ZNF292: variants seen among roughly 807,000 people sequenced by gnomAD.
ZNF292 encodes the protein zinc finger protein 292.
ZNF292 carries 26 observed loss-of-function variants against 217.9 expected under a neutral mutation model. That is an observed-to-expected ratio of 0.12 (90% CI 0.09 to 0.17). The LOEUF is 0.17. Ranked by LOEUF, ZNF292 falls within the 10% of genes least tolerant of loss-of-function variation. The probability of loss-of-function intolerance (pLI) is 1.00; values close to 1 mark genes in which losing one functional copy is unlikely to be tolerated. For synonymous variants in ZNF292, 1,257 were observed against 1,124.1 expected (o/e 1.12, Z -2.37); for missense variants, 2,904 against 3,175.2 (o/e 0.91, Z 2.05).
At chr6:87,168,990 T>G (rs1056255289) in intron 1 of ZNF292, among the ~76,000 whole-genome samples, 1 of 152,096 alleles carries the variant, frequency 6.6e-6, no homozygotes, top group Non-Finnish European at 1.5e-5. Context: ...TATACGGTTT[T>G]GGTTTTTTGT....
chr6:87,236,404 T>TA (rs769342391), intron 5 of ZNF292, among the ~76,000 whole-genome samples: 1,976 of 140,430 alleles, frequency 0.014, 15 homozygotes, highest in Non-Finnish European at 0.021. Flanking sequence ...TTTTTTTTTT[T>TA]TAAAAAAGAA....
In ZNF292 at chr6:87,202,438, T is replaced by A. The variant is rs184758314; in HGVS notation, c.169-13465T>A. ...TGAATTCTCTTGAAGTTCTTACGTG[T>A]GCATTGTCTGCAATGGTGACATTTT... is the stretch of plus-strand genomic sequence containing the variant. On this transcript the variant is annotated intron_variant, in intron 1 of 7. Coordinates refer to ENST00000369577, the MANE Select transcript of ZNF292 (RefSeq NM_015021.3). 2.4e-4 allele frequency among the ~76,000 whole-genome samples: 36 copies of A among 152,366 alleles called. 1 individual carries two copies. Among genetic ancestry groups the A allele is most frequent in the Middle Eastern group, 3.4e-3 (1 of 294 alleles).
At position 87,261,966 on chromosome 6, in the gene ZNF292, C is replaced by CT. The variant is rs985508955; in HGVS notation, c.*173dup. 15 of 503,500 alleles carry CT rather than the reference C, an allele frequency of 3.0e-5. No individual in the cohort carries two copies. The highest frequency in any genetic ancestry group is 9.2e-5 in the South Asian group (2 of 21,660). 31.2% of individuals were successfully genotyped at this position (503,500 alleles called of 1,614,324 possible). On this transcript the variant is annotated 3_prime_UTR_variant, in exon 8 of 8. Coordinates refer to ENST00000369577, the MANE Select transcript of ZNF292 (RefSeq NM_015021.3). ...AAAACATGACATTTGTCATGTAAAA[C>CT]TTTTTTTTATCCCTATGGGACTTGA...
At chr6:87,169,838 G>A in intron 1 of ZNF292, 1 of 278,102 alleles carries the variant, frequency 3.6e-6, no homozygotes. Context: ...AGTGGAGACA[G>A]GGTTTTGCCA....
chr6:87,235,618 A>G (rs1219403685), intron 5 of ZNF292, among the ~76,000 whole-genome samples: 1 of 152,158 alleles, frequency 6.6e-6, no homozygotes, highest in African/African-American at 2.4e-5. Context: ...CCAGTCTTGC[A>G]ATACTGAGCC....
Position 87,240,159 on chromosome 6 carries a change from G to A in ZNF292, c.742-3316G>A, listed in dbSNP as rs561750940. ...GCGGTTAGGAGCTGGAGACCAGCCCGGCCAACACAGCGAAACCCCGTCTCC... is the reference window on the plus strand; with the variant it reads ...GCGGTTAGGAGCTGGAGACCAGCCCAGCCAACACAGCGAAACCCCGTCTCC... On this transcript the variant is annotated intron_variant, in intron 5 of 7. Coordinates refer to ENST00000369577, the MANE Select transcript of ZNF292 (RefSeq NM_015021.3). Among the ~76,000 whole-genome samples the A allele has an allele frequency of 3.7e-3, 567 of 151,650 alleles. 2 individuals carry two copies. Among genetic ancestry groups the A allele is most frequent in the African/African-American group, 0.013 (542 of 41,316 alleles).
At chr6:87,208,134 G>T (rs1388631756) in intron 1 of ZNF292, among the ~76,000 whole-genome samples, 2 of 152,058 alleles carry the variant, frequency 1.3e-5, no homozygotes, top group African/African-American at 4.8e-5. Flanking sequence ...TTTTGCTCCA[G>T]TGTTGCAGTT....
intron 4 of ZNF292, among the ~76,000 whole-genome samples, chr6:87,229,669 A>C (rs1382623675): frequency 1.3e-5 from 2 of 152,006 alleles, no homozygotes; most frequent in Admixed American, 6.6e-5. Context: ...CAGGTGATCC[A>C]CCTGCCTTGG....
intron 1 of ZNF292, among the ~76,000 whole-genome samples, chr6:87,194,848 C>G (rs975578165): frequency 6.6e-6 from 1 of 151,456 alleles, no homozygotes; most frequent in Non-Finnish European, 1.5e-5. Flanking sequence ...ATCCTTATAA[C>G]AAAACAGATG....
At chr6:87,184,874 G>A (rs116220842) in intron 1 of ZNF292, among the ~76,000 whole-genome samples, 1,810 of 152,314 alleles carry the variant, frequency 0.012, 21 homozygotes, top group Middle Eastern at 0.058. Context: ...TCATATCCAA[G>A]GAAGCAGAAG....
chr6:87,264,206 C>A lies in ZNF292; in HGVS notation c.*2405C>A, dbSNP rs1329884555. 6.6e-6 allele frequency: 1 copy of A among 151,952 alleles called. No individual in the cohort carries two copies. Among genetic ancestry groups the A allele is most frequent in the Non-Finnish European group, 1.5e-5 (1 of 67,990 alleles). The allele number at this position is 151,952 out of a possible 1,614,324, so 9.4% of individuals were successfully genotyped here. A position where few individuals can be genotyped will look rare whatever the true frequency, so the allele number is the denominator to read the frequency against. On this transcript the variant is annotated 3_prime_UTR_variant, in exon 8 of 8. Coordinates refer to ENST00000369577, the MANE Select transcript of ZNF292 (RefSeq NM_015021.3). ...TATTTTTTTCATGGTATACTTTTCC[C>A]CAGCCTATTGTCTTGAGATATCTTC...
chr6:87,246,247 G>T (rs988837699), intron 7 of ZNF292, among the ~76,000 whole-genome samples: 3 of 151,730 alleles, frequency 2.0e-5, no homozygotes, highest in African/African-American at 4.8e-5. Context: ...ACAAACAAAC[G>T]AACAAAAAAA....
intron 1 of ZNF292, among the ~76,000 whole-genome samples, chr6:87,197,665 A>G (rs546332218): frequency 2.5e-4 from 34 of 137,810 alleles, no homozygotes; most frequent in Non-Finnish European, 3.8e-4. Context: ...TGAACCCCAG[A>G]GGCGGAGGTC....
Position 87,256,187 on chromosome 6 carries a change from A to C in ZNF292, c.2558A>C (p.Gln853Pro). ...AQLNSSGDSI[Q>P]PSEVNQNTAE... The stretch of plus-strand genomic sequence containing the variant: ...CTTAATTCATCTGGAGATTCCATTC[A>C]GCCTTCTGAAGTGAATCAGAACACA... Residue 853 changes from glutamine (Q) to proline (P), a missense_variant, in exon 8 of 8, where the codon CAG becomes CCG. Physicochemically the swap from Gln to Pro is moderately conservative, Grantham distance 76. This residue lies in a region of ZNF292 where 687 missense variants were observed against 623.0 expected (regional missense o/e 1.10). Transcript: ENST00000369577. 1.2e-6 allele frequency: 2 copies of C among 1,613,868 alleles called. No homozygotes were observed. The highest frequency in any genetic ancestry group is 1.7e-6 in the Non-Finnish European group (2 of 1,179,832).
Position 87,256,351 on chromosome 6 carries a change from T to G in ZNF292, c.2722T>G (p.Ser908Ala). The change falls in exon 8 of 8, where the codon TCT (serine) becomes GCT (alanine). Residue 908 changes from serine (S) to alanine (A), a missense_variant. Physicochemically the swap from Ser to Ala is moderately conservative, Grantham distance 99 (BLOSUM62 1). Around this residue, in one of 15 missense-constraint regions of ZNF292, gnomAD observed 687 missense variants for 623.0 expected, o/e 1.10. Coordinates refer to ENST00000369577, the MANE Select transcript of ZNF292 (RefSeq NM_015021.3). ...AVTKQDQISA[S>A]ELRQANGPLS... ...GACCAAACAAGACCAGATTTCTGCC[T>G]CTGAGCTCAGGCAAGCTAATGGACC... 1 of 1,611,838 alleles carries G rather than the reference T, an allele frequency of 6.2e-7. No homozygotes were observed. Among genetic ancestry groups the G allele is most frequent in the Non-Finnish European group, 8.5e-7 (1 of 1,179,852 alleles).
chr6:87,202,289 G>C (rs1772120786), intron 1 of ZNF292, among the ~76,000 whole-genome samples: 1 of 151,882 alleles, frequency 6.6e-6, no homozygotes, highest in South Asian at 2.1e-4. Context: ...TTCATTCCTA[G>C]GTACTTCACG....
chr6:87,226,633 A>G (rs1361069067), intron 4 of ZNF292, among the ~76,000 whole-genome samples: 1 of 114,412 alleles, frequency 8.7e-6, no homozygotes, highest in Admixed American at 1.0e-4. Flanking sequence ...GTGTGTGTAT[A>G]TATATCTATA....
At position 87,259,292 on chromosome 6, in the gene ZNF292, A is replaced by AAGGAAGCTG; in HGVS notation, c.5664_5665insGGAAGCTGA (p.Glu1888_Met1889insGlySerTer). ...ATCACAGTTATTCAGCCAGTTTCTG[A>AAGGAAGCTG]AATGATAAACATTCAATTTAATGAC... On this transcript the variant is annotated stop_gained and inframe_insertion, in exon 8 of 8. Transcript: ENST00000369577. LOFTEE classifies it high-confidence loss of function. 6.2e-7 allele frequency: 1 copy of AAGGAAGCTG among 1,613,652 alleles called. No homozygotes were observed. Among genetic ancestry groups the AAGGAAGCTG allele is most frequent in the African/African-American group, 1.3e-5 (1 of 75,040 alleles).
At chr6:87,221,056 T>C (rs1257591628) in intron 4 of ZNF292, among the ~76,000 whole-genome samples, 1 of 152,204 alleles carries the variant, frequency 6.6e-6, no homozygotes, top group African/African-American at 2.4e-5. Context: ...ATTTGAACAG[T>C]GACTAATCTG....
Sources: gnomAD v4.1 joint callset for allele counts (sites outside exome capture counted in the v4.1 genomes callset) on GRCh38, gnomAD v4.1.1 for gene constraint, gnomAD v4.1.1 regional missense constraint, MANE v1.5 for transcripts, NCBI Gene and HGNC (gene_info 2026-07-23, HGNC 2026-07-21) for gene names.